ERBB4: variants seen among roughly 807,000 people sequenced by gnomAD.
ERBB4 encodes the protein receptor tyrosine-protein kinase erbB-4.
Under a neutral mutation model 158.0 loss-of-function variants are expected in ERBB4, and 42 were observed. That is an observed-to-expected ratio of 0.27 (90% confidence interval 0.21 to 0.34). The LOEUF is 0.34. ERBB4 is among the 10% of genes least tolerant of loss of function. ERBB4 has a pLI of 1.00. For missense variants in ERBB4, 1,333 were observed against 1,624.1 expected, an observed-to-expected ratio of 0.82 and a Z score of 3.08; for synonymous variants, 583 against 558.7, an observed-to-expected ratio of 1.04 and a Z score of -0.61.
At chr2:212,015,824 C>T (rs2076515806) in intron 2 of ERBB4, among the ~76,000 whole-genome samples, 1 of 152,124 alleles carries the variant, frequency 6.6e-6, no homozygotes, top group African/African-American at 2.4e-5. Flanking sequence ...AGTGCCAGTA[C>T]TTGAGGCCCT....
chr2:211,885,455 A>T (rs1575315732), intron 3 of ERBB4, among the ~76,000 whole-genome samples: 3 of 148,490 alleles, frequency 2.0e-5, no homozygotes, highest in South Asian at 2.1e-4. Flanking sequence ...AACTGCTATA[A>T]TTTTTTTTTT....
intron 20 of ERBB4, among the ~76,000 whole-genome samples, chr2:211,447,259 CTT>C (rs901965873): frequency 1.3e-5 from 2 of 152,034 alleles, no homozygotes; most frequent in African/African-American, 4.8e-5. Flanking sequence ...TATGACAAGA[CTT>C]AGCTCAGCCT....
chr2:211,891,478 A>C (rs1160790233), intron 3 of ERBB4, among the ~76,000 whole-genome samples: 2 of 114,730 alleles, frequency 1.7e-5, no homozygotes, highest in African/African-American at 3.9e-5. Flanking sequence ...TTGACACCCT[A>C]ACATCACAAT....
chr2:212,334,993 A>G lies in ERBB4; in HGVS notation c.82+203456T>C, dbSNP rs192243883. Among the ~76,000 whole-genome samples, 778 of 152,114 alleles carry G rather than the reference A, an allele frequency of 5.1e-3. 9 individuals are homozygous for G. Among genetic ancestry groups the G allele is most frequent in the African/African-American group, 0.018 (747 of 41,556 alleles). On this transcript the variant is annotated intron_variant, in intron 1 of 27. Coordinates refer to ENST00000342788, the MANE Select transcript of ERBB4 (RefSeq NM_005235.3). ...ATATTTGGATAAATTCTTGAAAAAA[A>G]TATATTTTAAAGAAAATGCTGTCTT...
chr2:211,670,330 G>A (rs528762306), intron 14 of ERBB4, among the ~76,000 whole-genome samples: 54 of 152,274 alleles, frequency 3.5e-4, no homozygotes, highest in South Asian at 6.2e-4. Flanking sequence ...TTCAGGCACC[G>A]TTACTGAAAG....
At chr2:211,809,559 A>G (rs755661809) in intron 3 of ERBB4, among the ~76,000 whole-genome samples, 6 of 151,694 alleles carry the variant, frequency 4.0e-5, no homozygotes, top group Non-Finnish European at 8.8e-5. Context: ...TTTTTATTGC[A>G]TCTATTTGAT....
intron 2 of ERBB4, among the ~76,000 whole-genome samples, chr2:212,078,914 A>C (rs578050590): frequency 1.3e-3 from 192 of 151,242 alleles, no homozygotes; most frequent in African/African-American, 4.3e-3. Context: ...TCTTAATTTT[A>C]TATAAATGGA....
intron 20 of ERBB4, among the ~76,000 whole-genome samples, chr2:211,447,493 T>C (rs1286161329): frequency 6.6e-6 from 1 of 152,188 alleles, no homozygotes; most frequent in East Asian, 1.9e-4. Flanking sequence ...ACATCAATAT[T>C]CTAGTAGAAA....
At chr2:211,883,008 T>C (rs2078702940) in intron 3 of ERBB4, among the ~76,000 whole-genome samples, 1 of 152,198 alleles carries the variant, frequency 6.6e-6, no homozygotes, top group Non-Finnish European at 1.5e-5. Flanking sequence ...TGCACACGTA[T>C]GTTTATTGTG....
chr2:212,298,461 C>T (rs6715334), intron 1 of ERBB4, among the ~76,000 whole-genome samples: 112,312 of 151,438 alleles, frequency 0.74, 45,815 homozygotes, highest in Non-Finnish European at 0.9. Flanking sequence ...AGAGTAGCTT[C>T]TCTTATTGGA....
chr2:212,048,230 C>CA (rs1363630858), intron 2 of ERBB4, among the ~76,000 whole-genome samples: 1 of 152,098 alleles, frequency 6.6e-6, no homozygotes, highest in Non-Finnish European at 1.5e-5. Flanking sequence ...TGTTATTTTA[C>CA]AAAAAGGTAT....
At chr2:211,876,310 C>T (rs908518617) in intron 3 of ERBB4, among the ~76,000 whole-genome samples, 3 of 152,132 alleles carry the variant, frequency 2.0e-5, no homozygotes, top group African/African-American at 7.2e-5. Context: ...TTTACTCTAA[C>T]TCTATCTCAC....
At position 212,101,804 on chromosome 2, in the gene ERBB4, T is replaced by TTA. The variant is rs2079091668; in HGVS notation, c.234+22946_234+22947dup. ...ATATTTTTCAACAATAATGAAAAGG[T>TTA]TATAAAAAGCTTCCTCTCCCGCTGG... On this transcript the variant is annotated intron_variant, in intron 2 of 27. Transcript: ENST00000342788. Among the ~76,000 whole-genome samples the TTA allele has an allele frequency of 2.6e-5, 4 of 151,884 alleles. No homozygotes were observed. The South Asian group carries it at 8.3e-4, about 32-fold the overall frequency.
At chr2:212,213,806 T>C (rs2083009911) in intron 1 of ERBB4, among the ~76,000 whole-genome samples, 1 of 151,880 alleles carries the variant, frequency 6.6e-6, no homozygotes, top group Admixed American at 6.6e-5. Flanking sequence ...ATAGGCTATT[T>C]AATTGCTTTC....
chr2:212,456,942 A>C (rs1025028638), intron 1 of ERBB4, among the ~76,000 whole-genome samples: 1 of 151,850 alleles, frequency 6.6e-6, no homozygotes, highest in African/African-American at 2.4e-5. Flanking sequence ...TATTATACTT[A>C]AGGTTTTCTT....
intron 7 of ERBB4, among the ~76,000 whole-genome samples, chr2:211,718,303 G>A (rs111384394): frequency 2.0e-5 from 3 of 152,130 alleles, no homozygotes; most frequent in Non-Finnish European, 2.9e-5. Context: ...ATAAGGGAAC[G>A]AAGCCACGAT....
intron 1 of ERBB4, among the ~76,000 whole-genome samples, chr2:212,229,291 C>T (rs774751428): frequency 6.6e-6 from 1 of 152,076 alleles, no homozygotes; most frequent in Non-Finnish European, 1.5e-5. Context: ...GCTCAGGGAT[C>T]ATTCAAATAA....
chr2:212,377,570 A>G (rs1560158115), intron 1 of ERBB4, among the ~76,000 whole-genome samples: 1 of 151,284 alleles, frequency 6.6e-6, no homozygotes, highest in Non-Finnish European at 1.5e-5. Context: ...AGCAAGGATG[A>G]TAAAAAATGG....
At chr2:212,028,746 CTTTAT>C (rs2076832697) in intron 2 of ERBB4, among the ~76,000 whole-genome samples, 1 of 152,116 alleles carries the variant, frequency 6.6e-6, no homozygotes, top group Non-Finnish European at 1.5e-5. Flanking sequence ...GTTCTCTATA[CTTTAT>C]TTTCTTCTTT....
Sources: gnomAD v4.1 joint callset for allele counts (sites outside exome capture counted in the v4.1 genomes callset) on GRCh38, gnomAD v4.1.1 for gene constraint, MANE v1.5 for transcripts, NCBI Gene and HGNC (gene_info 2026-07-23, HGNC 2026-07-21) for gene names.